Variants in TWSG1 observed in about 807,000 individuals in gnomAD.
TWSG1 encodes twisted gastrulation protein homolog 1.
In TWSG1, 15 loss-of-function variants were observed where a neutral mutation model predicts 23.0. The observed-to-expected ratio is 0.65, with a 90% CI of 0.44 to 1.00. The LOEUF is 1.00. Ranked by LOEUF, TWSG1 falls within the 50% of genes least tolerant of loss-of-function variation. The pLI is 0.00. For missense variants in TWSG1, 242 were observed against 278.7 expected (o/e 0.87, Z 0.94); for synonymous variants, 86 against 92.8 (o/e 0.93, Z 0.42).
intron 2 of TWSG1, among the ~76,000 whole-genome samples, chr18:9,343,875 C>T (rs4798794): frequency 0.67 from 101,464 of 152,082 alleles, 34,315 homozygotes; most frequent in Middle Eastern, 0.75. Flanking sequence ...ATTCAAGTTT[C>T]AGTGTGTGGA....
intron 3 of TWSG1, among the ~76,000 whole-genome samples, chr18:9,382,272 C>G (rs1700639702): frequency 1.3e-5 from 2 of 152,100 alleles, no homozygotes; most frequent in African/African-American, 4.8e-5. Flanking sequence ...GCCTGTAATC[C>G]TAGCACTTTG....
At chr18:9,336,220 C>T (rs1451575494) in intron 1 of TWSG1, among the ~76,000 whole-genome samples, 1 of 151,852 alleles carries the variant, frequency 6.6e-6, no homozygotes, top group Non-Finnish European at 1.5e-5. Flanking sequence ...GGTGAAACCC[C>T]GTCTCTACTA....
At chr18:9,350,794 G>T (rs1345414720) in intron 2 of TWSG1, among the ~76,000 whole-genome samples, 1 of 152,224 alleles carries the variant, frequency 6.6e-6, no homozygotes, top group East Asian at 1.9e-4. Context: ...ATGAGGTTGG[G>T]TTGATATTTC....
At chr18:9,387,343 A>C (rs2040689119) in intron 3 of TWSG1, among the ~76,000 whole-genome samples, 1 of 152,226 alleles carries the variant, frequency 6.6e-6, no homozygotes, top group Admixed American at 6.5e-5. Flanking sequence ...TTATTATAAA[A>C]ATATTGAAAT....
At chr18:9,375,541 A>G (rs2040626260) in intron 3 of TWSG1, among the ~76,000 whole-genome samples, 1 of 152,228 alleles carries the variant, frequency 6.6e-6, no homozygotes, top group South Asian at 2.1e-4. Flanking sequence ...GAAGGAAGAA[A>G]TAAAACTATC....
At chr18:9,335,946 G>C (rs2040420884) in intron 1 of TWSG1, among the ~76,000 whole-genome samples, 1 of 152,130 alleles carries the variant, frequency 6.6e-6, no homozygotes, top group Admixed American at 6.5e-5. Context: ...GTTTTAACCT[G>C]AAGAAATGAT....
At chr18:9,394,163 A>ATT (rs2040724505) in intron 3 of TWSG1, among the ~76,000 whole-genome samples, 1 of 152,234 alleles carries the variant, frequency 6.6e-6, no homozygotes, top group Admixed American at 6.5e-5. Flanking sequence ...GATGTCCAAC[A>ATT]ACAGATGAAT....
rs769143496 is a variant in TWSG1, at chr18:9,396,508, C to T, written c.452C>T (p.Pro151Leu). ...CCACACCACCAGAATGTGTCTGTCC[C>T]CAGCAATAATGTTCACGCGCCTTAT... is the stretch of plus-strand genomic sequence containing the variant. Reference protein sequence around the residue: ...NQPHHQNVSVPSNNVHAPYSS... With the variant: ...NQPHHQNVSVLSNNVHAPYSS... The change falls in exon 4 of 5, where the codon CCC becomes CTC. Residue 151 changes from proline to leucine, a missense_variant. Pro to Leu is a moderately conservative substitution (Grantham distance 98). Coordinates refer to ENST00000262120, the MANE Select transcript of TWSG1 (RefSeq NM_020648.6). The T allele has an allele frequency of 1.2e-6, 2 of 1,613,868 alleles. No homozygotes were observed. Among genetic ancestry groups the T allele is most frequent in the East Asian group, 4.5e-5 (2 of 44,892 alleles).
chr18:9,396,742 A>AT (rs2040738725), intron 4 of TWSG1, 196 bp downstream of exon 4: 2 of 678,102 alleles, frequency 2.9e-6, no homozygotes, highest in Non-Finnish European at 4.7e-6. Flanking sequence ...AGAGAAAAAA[A>AT]ATATCTCCAA....
At chr18:9,339,609 C>T (rs905049794) in intron 2 of TWSG1, among the ~76,000 whole-genome samples, 2 of 152,048 alleles carry the variant, frequency 1.3e-5, no homozygotes, top group East Asian at 1.9e-4. Flanking sequence ...TGTGAGTCAC[C>T]GTGCCTGGCC....
chr18:9,381,822 C>T (rs548765402), intron 3 of TWSG1, among the ~76,000 whole-genome samples: 1 of 149,892 alleles, frequency 6.7e-6, no homozygotes, highest in East Asian at 2.0e-4. Flanking sequence ...AAGTATACCC[C>T]AAAAGTGTAC....
chr18:9,376,376 A>G (rs1457323649), intron 3 of TWSG1, among the ~76,000 whole-genome samples: 1 of 152,242 alleles, frequency 6.6e-6, no homozygotes, highest in Non-Finnish European at 1.5e-5. Flanking sequence ...ATACTACTGG[A>G]CTTCAAGACT....
chr18:9,392,989 A>T (rs1265465225), intron 3 of TWSG1, among the ~76,000 whole-genome samples: 1 of 152,224 alleles, frequency 6.6e-6, no homozygotes, highest in African/African-American at 2.4e-5. Flanking sequence ...CTGCTGCTGC[A>T]AGACAATTAC....
rs2040677667 is a variant in TWSG1, at chr18:9,385,430, T to A, written c.224-10850T>A. Among the ~76,000 whole-genome samples the A allele has an allele frequency of 5.3e-5, 2 of 38,050 alleles. 1 individual carries two copies. Among genetic ancestry groups the A allele is most frequent in the African/African-American group, 3.6e-4 (2 of 5,594 alleles). The allele number at this position is 38,050 out of a possible 152,430, so 25.0% of individuals were successfully genotyped here. On this transcript the variant is annotated intron_variant, in intron 3 of 4. Transcript: ENST00000262120. The stretch of plus-strand genomic sequence containing the variant: ...CGGGCCGGGCGCGGTGGCTCACGCC[T>A]GTAATCCCAGCACTTTGGGAGGCCG...
rs28545204 is a variant in TWSG1 at position 9,385,890 on chromosome 18, C to T, written c.224-10390C>T. On this transcript the variant is annotated intron_variant, in intron 3 of 4. Coordinates refer to ENST00000262120, the MANE Select transcript of TWSG1 (RefSeq NM_020648.6). ...TGCAAATTTAAAATTCAAATGGGGC[C>T]GGGCATGGTGGCTCACACCTGTAAT... Among the ~76,000 whole-genome samples, 613 of 152,166 alleles carry T rather than the reference C, an allele frequency of 4.0e-3. 5 individuals carry two copies. The highest frequency in any genetic ancestry group is 0.013 in the African/African-American group (541 of 41,524).
At chr18:9,364,218 A>G (rs1459967823) in intron 3 of TWSG1, among the ~76,000 whole-genome samples, 3 of 152,178 alleles carry the variant, frequency 2.0e-5, no homozygotes, top group African/African-American at 7.2e-5. Context: ...TCTTTTGGTT[A>G]TTTAACTTGT....
intron 3 of TWSG1, among the ~76,000 whole-genome samples, chr18:9,393,433 G>C (rs921314341): frequency 2.6e-5 from 4 of 152,228 alleles, no homozygotes; most frequent in African/African-American, 9.6e-5. Context: ...CAGCTTGAAG[G>C]CTGGGGCTGA....
At chr18:9,339,204 C>CAA (rs72257920) in intron 2 of TWSG1, among the ~76,000 whole-genome samples, 20 of 141,872 alleles carry the variant, frequency 1.4e-4, no homozygotes, top group South Asian at 4.5e-4. Context: ...GACCCTGTCT[C>CAA]AAAAAAAAAA....
intron 3 of TWSG1, among the ~76,000 whole-genome samples, chr18:9,377,501 G>A (rs1159220916): frequency 6.6e-6 from 1 of 152,112 alleles, no homozygotes; most frequent in African/African-American, 2.4e-5. Context: ...TTACGGGCAT[G>A]AGCCACCGCG....
Sources: gnomAD v4.1 joint callset for allele counts (sites outside exome capture counted in the v4.1 genomes callset) on GRCh38, gnomAD v4.1.1 for gene constraint, MANE v1.5 for transcripts, NCBI Gene and HGNC (gene_info 2026-07-23, HGNC 2026-07-21) for gene names.